Variants in STK32B observed in about 807,000 individuals in gnomAD.
STK32B encodes the protein serine/threonine kinase 32B.
A neutral mutation model predicts 52.6 loss-of-function variants in STK32B; 43 were observed. The observed-to-expected ratio is 0.82, with a 90% confidence interval of 0.64 to 1.05. The LOEUF (loss-of-function observed/expected upper bound fraction) is 1.05, where lower values mean the gene tolerates loss of function less well. Among genes scored for constraint, STK32B ranks in the 50% least tolerant of loss-of-function variants. The probability of loss-of-function intolerance (pLI) is 0.00; values close to 1 mark genes in which losing one functional copy is unlikely to be tolerated. For missense variants in STK32B, 621 were observed against 534.6 expected, an observed-to-expected ratio of 1.16 and a Z score of -1.59; for synonymous variants, 238 against 204.3, an observed-to-expected ratio of 1.17 and a Z score of -1.41.
At chr4:5,345,982 G>A (rs1390317362) in intron 4 of STK32B, among the ~76,000 whole-genome samples, 4 of 152,188 alleles carry the variant, frequency 2.6e-5, no homozygotes, top group Admixed American at 1.3e-4. Flanking sequence ...TGCATGAACT[G>A]ATGGGAATAT....
chr4:5,166,474 G>T (rs1718877367), intron 2 of STK32B, among the ~76,000 whole-genome samples: 1 of 147,118 alleles, frequency 6.8e-6, no homozygotes, highest in African/African-American at 2.5e-5. Flanking sequence ...TTAAGATGAA[G>T]TCATACTAGA....
chr4:5,147,770 GA>G (rs1208489221), intron 2 of STK32B, among the ~76,000 whole-genome samples: 1 of 151,892 alleles, frequency 6.6e-6, no homozygotes, highest in African/African-American at 2.4e-5. Context: ...AATCCCACTT[GA>G]ATATGATACC....
At chr4:5,247,766 G>C (rs1725567991) in intron 3 of STK32B, among the ~76,000 whole-genome samples, 1 of 152,076 alleles carries the variant, frequency 6.6e-6, no homozygotes, top group Non-Finnish European at 1.5e-5. Flanking sequence ...TCCACCCAGA[G>C]CCCTAGCCAA....
rs75145651 is a variant in STK32B at position 5,200,777 on chromosome 4, A to G, written c.260+32327A>G. Among the ~76,000 whole-genome samples the G allele has an allele frequency of 5.9e-3, 893 of 152,278 alleles. 3 individuals carry two copies. Among genetic ancestry groups the G allele is most frequent in the Non-Finnish European group, 9.3e-3 (630 of 68,024 alleles). Reference sequence around the variant, plus strand: ...GAATGTACTCACCCAAACAGATTTCACCAAGCATCACATCAATGGGGAAGC... The same window carrying G: ...GAATGTACTCACCCAAACAGATTTCGCCAAGCATCACATCAATGGGGAAGC... On this transcript the variant is annotated intron_variant, in intron 3 of 11. Transcript: ENST00000282908.
At chr4:5,207,610 A>G (rs1190256567) in intron 3 of STK32B, among the ~76,000 whole-genome samples, 1 of 151,996 alleles carries the variant, frequency 6.6e-6, no homozygotes, top group African/African-American at 2.4e-5. Flanking sequence ...CACCTGTCCC[A>G]GTCCGCGAGG....
At chr4:5,059,049 C>A (rs1364990725) in intron 1 of STK32B, among the ~76,000 whole-genome samples, 2 of 76,468 alleles carry the variant, frequency 2.6e-5, no homozygotes, top group East Asian at 1.2e-3. Flanking sequence ...CCACGCCCAG[C>A]TGCTTTTTTT....
intron 1 of STK32B, among the ~76,000 whole-genome samples, chr4:5,092,997 G>A (rs11940428): frequency 0.027 from 4,094 of 152,198 alleles, 172 homozygotes; most frequent in African/African-American, 0.094. Flanking sequence ...CACCACATAT[G>A]GTTGATCCTT....
chr4:5,304,755 TGTTCCAGTTATCG>T (rs1560300500), intron 3 of STK32B, among the ~76,000 whole-genome samples: 1 of 118,658 alleles, frequency 8.4e-6, no homozygotes, highest in African/African-American at 5.8e-5. Context: ...ATCCTTGTCT[TGTTCCAGTTATCG>T]GGGAGGGGGG....
At chr4:5,349,496 A>G (rs1560342184) in intron 4 of STK32B, among the ~76,000 whole-genome samples, 3 of 152,300 alleles carry the variant, frequency 2.0e-5, no homozygotes, top group East Asian at 1.9e-4. Flanking sequence ...GTCTTCCCCT[A>G]TGAAAGCAAA....
At chr4:5,021,004 T>C in the STK32B span, among the ~76,000 whole-genome samples, 10 of 152,144 alleles carry the variant, frequency 6.6e-5, no homozygotes. Flanking sequence ...AAGCTCCACA[T>C]TCCCAGAACA....
chr4:5,329,126 C>T (rs1732062602), intron 3 of STK32B, among the ~76,000 whole-genome samples: 1 of 152,188 alleles, frequency 6.6e-6, no homozygotes, highest in African/African-American at 2.4e-5. Context: ...GTGCCTCTGC[C>T]TAGAAAGGCA....
At chr4:5,374,770 T>A (rs1735470294) in intron 4 of STK32B, among the ~76,000 whole-genome samples, 1 of 129,170 alleles carries the variant, frequency 7.7e-6, no homozygotes, top group Non-Finnish European at 1.6e-5. Flanking sequence ...ATATGAATAT[T>A]GACGGGGGCG....
chr4:5,164,431 TCC>T (rs1718707098), intron 2 of STK32B, among the ~76,000 whole-genome samples: 1 of 152,194 alleles, frequency 6.6e-6, no homozygotes. Context: ...GTTGATCTCA[TCC>T]TGAGATCCTT....
chr4:5,362,626 C>G (rs1308960040), intron 4 of STK32B, among the ~76,000 whole-genome samples: 1 of 152,198 alleles, frequency 6.6e-6, no homozygotes, highest in Non-Finnish European at 1.5e-5. Flanking sequence ...TTCAGAAGAC[C>G]TGCTTGGTGA....
In STK32B at chr4:5,347,659, C is replaced by G. The variant is rs187075340; in HGVS notation, c.434+16266C>G. ...ATCTCATCTTGAATTGTAATCCCCA[C>G]ATGTCAAAGAAGGGGCCTGGTGGGA... is the stretch of plus-strand genomic sequence containing the variant. On this transcript the variant is annotated intron_variant, in intron 4 of 11. Transcript: ENST00000282908. Among the ~76,000 whole-genome samples the G allele has an allele frequency of 6.8e-3, 1,036 of 152,250 alleles. 10 individuals are homozygous for G. The highest frequency in any genetic ancestry group is 0.022 in the African/African-American group (932 of 41,538).
chr4:5,211,266 T>G (rs1722887058), intron 3 of STK32B, among the ~76,000 whole-genome samples: 1 of 152,196 alleles, frequency 6.6e-6, no homozygotes, highest in Non-Finnish European at 1.5e-5. Context: ...TCCTCAGAAC[T>G]CTTCCCTAGG....
intron 1 of STK32B, among the ~76,000 whole-genome samples, chr4:5,069,156 G>C (rs191519601): frequency 6.6e-6 from 1 of 151,456 alleles, no homozygotes; most frequent in South Asian, 2.1e-4. Context: ...CAGCTTAGGG[G>C]TTTGTGTTTT....
the STK32B span, among the ~76,000 whole-genome samples, chr4:5,039,391 C>T: frequency 1.3e-5 from 2 of 152,156 alleles, no homozygotes; most frequent in East Asian, 1.9e-4. Flanking sequence ...CAAATACGCA[C>T]ATTAGCCTAG....
intron 4 of STK32B, among the ~76,000 whole-genome samples, chr4:5,349,729 G>A (rs1733707558): frequency 6.6e-6 from 1 of 152,088 alleles, no homozygotes; most frequent in African/African-American, 2.4e-5. Flanking sequence ...GAAAAGCAAT[G>A]CAAAGAAATT....
Sources: gnomAD v4.1 joint callset for allele counts (sites outside exome capture counted in the v4.1 genomes callset) on GRCh38, gnomAD v4.1.1 for gene constraint, MANE v1.5 for transcripts, NCBI Gene and HGNC (gene_info 2026-07-23, HGNC 2026-07-21) for gene names.